Variants in CNTNAP3B observed in about 807,000 individuals in gnomAD.
CNTNAP3B encodes contactin-associated protein-like 3B.
A neutral mutation model predicts 108.9 loss-of-function variants in CNTNAP3B; 25 were observed. That is an observed-to-expected ratio of 0.23 (90% CI 0.17 to 0.32). The LOEUF (loss-of-function observed/expected upper bound fraction) is 0.32. Among genes scored for constraint, CNTNAP3B ranks in the 10% least tolerant of loss-of-function variants. CNTNAP3B has a pLI of 1.00. For synonymous variants in CNTNAP3B, 103 were observed against 473.4 expected (o/e 0.22, Z 10.16); for missense variants, 252 against 1,210.4 (o/e 0.21, Z 11.75).
chr9:41,947,254 A>G (rs1266846069), intron 13 of CNTNAP3B, among the ~76,000 whole-genome samples: 2 of 152,080 alleles, frequency 1.3e-5, no homozygotes, highest in Non-Finnish European at 2.9e-5. Flanking sequence ...AAGACAGACC[A>G]TATCCCTGGG....
At chr9:41,950,849 C>T (rs1166151969) in intron 13 of CNTNAP3B, among the ~76,000 whole-genome samples, 1 of 147,142 alleles carries the variant, frequency 6.8e-6, no homozygotes, top group Non-Finnish European at 1.5e-5. Context: ...CAAGCTCCAC[C>T]TCCCGGGTTC....
chr9:41,934,138 TATAC>T (rs1824076227), intron 14 of CNTNAP3B, among the ~76,000 whole-genome samples: 1 of 135,510 alleles, frequency 7.4e-6, no homozygotes, highest in African/African-American at 2.6e-5. Context: ...CACATATATA[TATAC>T]ACACACATAT....
intron 11 of CNTNAP3B, among the ~76,000 whole-genome samples, chr9:41,961,832 C>T (rs1825101129): frequency 6.6e-6 from 1 of 152,290 alleles, no homozygotes; most frequent in East Asian, 1.9e-4. Flanking sequence ...TTCATTTGTG[C>T]AAGTAAATGT....
In CNTNAP3B at chr9:42,014,187, A is replaced by C. The variant is rs866611943; in HGVS notation, c.391-662T>G. ...GCTTCCTGGGGGTGTCAAGAGGAGC[A>C]CACTGCCACTATCTGCTCCAGGACA... On this transcript the variant is annotated intron_variant, in intron 3 of 23. Coordinates refer to ENST00000377561, the MANE Select transcript of CNTNAP3B (RefSeq NM_001201380.3). 4.2e-3 allele frequency among the ~76,000 whole-genome samples: 168 copies of C among 39,816 alleles called. 56 individuals are homozygous for C. Among genetic ancestry groups the C allele is most frequent in the African/African-American group, 9.9e-3 (156 of 15,730 alleles). The allele number at this position is 39,816 out of a possible 152,430, so 26.1% of individuals were successfully genotyped here.
intron 1 of CNTNAP3B, among the ~76,000 whole-genome samples, chr9:42,112,945 C>T (rs1269395351): frequency 2.4e-5 from 3 of 123,342 alleles, no homozygotes; most frequent in East Asian, 2.7e-4. Flanking sequence ...TTAGTAGACA[C>T]GGGGTTTCAC....
At chr9:42,059,883 C>T (rs897962112) in intron 3 of CNTNAP3B, among the ~76,000 whole-genome samples, 4 of 134,368 alleles carry the variant, frequency 3.0e-5, no homozygotes, top group Non-Finnish European at 4.7e-5. Flanking sequence ...AGCCATCATG[C>T]CTGGCCTGAA....
intron 17 of CNTNAP3B, among the ~76,000 whole-genome samples, chr9:41,921,737 G>T (rs1823672780): frequency 6.6e-6 from 1 of 152,090 alleles, no homozygotes; most frequent in Non-Finnish European, 1.5e-5. Flanking sequence ...TGGAGTGCAA[G>T]AACAGATGAG....
chr9:41,959,733 C>T (rs1276396906), intron 12 of CNTNAP3B, among the ~76,000 whole-genome samples: 37 of 152,406 alleles, frequency 2.4e-4, no homozygotes, highest in Middle Eastern at 3.4e-3. Context: ...ACAATCTTTG[C>T]TAAGGCACTT....
intron 2 of CNTNAP3B, among the ~76,000 whole-genome samples, chr9:42,097,693 C>T (rs1380701817): frequency 7.3e-6 from 1 of 136,484 alleles, no homozygotes; most frequent in Non-Finnish European, 1.6e-5. Flanking sequence ...TATATATTGC[C>T]TTTACTCCAA....
At chr9:42,080,204 A>C (rs1288256563) in intron 2 of CNTNAP3B, among the ~76,000 whole-genome samples, 1 of 137,090 alleles carries the variant, frequency 7.3e-6, no homozygotes, top group African/African-American at 2.9e-5. Flanking sequence ...GGCATCCCTC[A>C]CAGTTTGTTA....
chr9:41,990,576 C>T (rs1341790678), intron 8 of CNTNAP3B, among the ~76,000 whole-genome samples: 1 of 123,814 alleles, frequency 8.1e-6, no homozygotes, highest in Non-Finnish European at 1.7e-5. Flanking sequence ...CTCTTACAGC[C>T]AAAAGGAATC....
intron 3 of CNTNAP3B, among the ~76,000 whole-genome samples, chr9:42,058,290 A>G (rs1253770734): frequency 6.6e-6 from 1 of 152,226 alleles, no homozygotes; most frequent in African/African-American, 2.4e-5. Context: ...GAAACTCCCC[A>G]CTGCTTTCCA....
rs1179981869 is a variant in CNTNAP3B at position 42,119,357 on chromosome 9, A to G, written c.85+9653T>C. Among the ~76,000 whole-genome samples, 2 of 133,332 alleles carry G rather than the reference A, an allele frequency of 1.5e-5. 1 individual carries two copies. The allele number at this position is 133,332 out of a possible 152,430, so 87.5% of individuals were successfully genotyped here. ...ATACAAACAAATGGAAGAACATTCC[A>G]TGCTCATGGGTAGGAAGAATCAGTA... On this transcript the variant is annotated intron_variant, in intron 1 of 23. Transcript: ENST00000377561.
intron 11 of CNTNAP3B, among the ~76,000 whole-genome samples, chr9:41,961,446 C>A (rs547713944): frequency 6.6e-6 from 1 of 152,418 alleles, no homozygotes; most frequent in South Asian, 2.1e-4. Context: ...GGCAAATATA[C>A]CTCAGAATTA....
At position 41,922,391 on chromosome 9, in the gene CNTNAP3B, G is replaced by A. The variant is rs1435065119; in HGVS notation, c.2755+286C>T. Among the ~76,000 whole-genome samples, 22 of 138,148 alleles carry A rather than the reference G, an allele frequency of 1.6e-4. 1 individual carries two copies. The highest frequency in any genetic ancestry group is 4.2e-4 in the East Asian group (2 of 4,810). 90.6% of individuals were successfully genotyped at this position (138,148 alleles called of 152,430 possible). The stretch of plus-strand genomic sequence containing the variant: ...TGAGGCAGGAGAATCGCTTGAACCC[G>A]GCAGGTGGAGGTTTCAGTGGGCTGA... On this transcript the variant is annotated intron_variant, in intron 17 of 23. Coordinates refer to ENST00000377561, the MANE Select transcript of CNTNAP3B (RefSeq NM_001201380.3).
chr9:42,113,503 T>A (rs1828239318), intron 1 of CNTNAP3B, among the ~76,000 whole-genome samples: 1 of 139,032 alleles, frequency 7.2e-6, no homozygotes, highest in Non-Finnish European at 1.5e-5. Flanking sequence ...CAAAATTAAG[T>A]CGTGCAGAAA....
intron 15 of CNTNAP3B, among the ~76,000 whole-genome samples, chr9:41,924,670 C>G (rs1456035596): frequency 5.4e-5 from 8 of 148,752 alleles, no homozygotes; most frequent in Non-Finnish European, 1.1e-4. Flanking sequence ...CACACACACA[C>G]ACACACACAC....
intron 14 of CNTNAP3B, among the ~76,000 whole-genome samples, chr9:41,931,006 C>T (rs1266032576): frequency 6.6e-6 from 1 of 152,242 alleles, no homozygotes; most frequent in Non-Finnish European, 1.5e-5. Flanking sequence ...GATTTACAGA[C>T]AAAACACTCT....
At chr9:41,982,700 C>A (rs1825654907) in intron 9 of CNTNAP3B, among the ~76,000 whole-genome samples, 1 of 151,182 alleles carries the variant, frequency 6.6e-6, no homozygotes, top group African/African-American at 2.5e-5. Context: ...ACCCAGCAAC[C>A]CCATTGAGTA....
Sources: gnomAD v4.1 joint callset for allele counts (sites outside exome capture counted in the v4.1 genomes callset) on GRCh38, gnomAD v4.1.1 for gene constraint, MANE v1.5 for transcripts, NCBI Gene and HGNC (gene_info 2026-07-23, HGNC 2026-07-21) for gene names.